CREB3L2: variants seen among roughly 807,000 people sequenced by gnomAD.
CREB3L2 encodes the protein cyclic AMP-responsive element-binding protein 3-like protein 2.
Under a neutral mutation model 57.2 loss-of-function variants are expected in CREB3L2, and 23 were observed. The ratio of observed to expected loss-of-function variants is 0.40; its 90% CI spans 0.29 to 0.57. CREB3L2 has a LOEUF of 0.57. Ranked by LOEUF, CREB3L2 falls within the 20% of genes least tolerant of loss-of-function variation. The probability of loss-of-function intolerance (pLI) is 0.42; values close to 1 mark genes in which losing one functional copy is unlikely to be tolerated. For synonymous variants in CREB3L2, 268 were observed against 265.1 expected, an observed-to-expected ratio of 1.01 and a Z score of -0.11; for missense variants, 628 against 634.7, an observed-to-expected ratio of 0.99 and a Z score of 0.11.
chr7:137,987,909 T>C (rs1301488972), intron 1 of CREB3L2, among the ~76,000 whole-genome samples: 1 of 152,224 alleles, frequency 6.6e-6, no homozygotes, highest in Non-Finnish European at 1.5e-5. Flanking sequence ...ATTTTCTTAC[T>C]GACATAATGT....
At position 137,955,422 on chromosome 7, in the gene CREB3L2, T is replaced by C. The variant is rs1000401431; in HGVS notation, c.103-27056A>G. The C allele has an allele frequency of 7.5e-6, 5 of 663,522 alleles. No individual in the cohort carries two copies. In the African/African-American group the frequency reaches 9.3e-5, roughly 12 times the overall value. The allele number at this position is 663,522 out of a possible 1,614,324, so 41.1% of individuals were successfully genotyped here. On this transcript the variant is annotated intron_variant, in intron 1 of 11. Transcript: ENST00000330387. ...GGCCACCTCACTCCTCTCCCCTTAATCCCCACACGCCAAACTTACACGTCC... is the reference window on the plus strand; with the variant it reads ...GGCCACCTCACTCCTCTCCCCTTAACCCCCACACGCCAAACTTACACGTCC...
intron 1 of CREB3L2, chr7:137,956,789 T>C (rs754747141): frequency 1.4e-5 from 6 of 442,922 alleles, no homozygotes; most frequent in Non-Finnish European, 2.1e-5. Flanking sequence ...CTAAAAGAGT[T>C]AGACCATTCA....
chr7:138,001,641 G>A lies in CREB3L2; in HGVS notation c.65C>T (p.Ser22Leu). ...LQWDRKLSEL[S>L]EPGDGEALMY... ...GAGGGCCTCGCCGTCCCCGGGCTCTGACAGCTCGCTCAGCTTGCGGTCCCA... is the reference window on the plus strand; with the variant it reads ...GAGGGCCTCGCCGTCCCCGGGCTCTAACAGCTCGCTCAGCTTGCGGTCCCA... The change falls in exon 1 of 12, where the codon TCA (serine) becomes TTA (leucine). Residue 22 changes from serine (S) to leucine (L), a missense_variant. Physicochemically the swap from Ser to Leu is moderately radical, Grantham distance 145. Coordinates refer to ENST00000330387, the MANE Select transcript of CREB3L2 (RefSeq NM_194071.4). This position sits in a 1 kb window ranked among gnomAD's most constrained non-coding sequence, Gnocchi z 4.2. The A allele has an allele frequency of 6.2e-7, 1 of 1,613,410 alleles. No homozygotes were observed. The highest frequency in any genetic ancestry group is 8.5e-7 in the Non-Finnish European group (1 of 1,179,766).
In CREB3L2 at chr7:137,928,247, C is replaced by T. The variant is rs143562600; in HGVS notation, c.222G>A (p.Ala74=). The change falls in exon 2 of 12, where the codon GCG becomes GCA. Residue 74 remains alanine, a synonymous_variant. Transcript: ENST00000330387. The part of the protein sequence containing the change: ...MEVEPSPTSP[A]PLIQAEHSYS... Reference sequence around the variant, plus strand: ...AGCTGTGCTCAGCCTGGATGAGAGGCGCCGGGGACGTCGGGGAAGGTTCCA... The same window carrying T: ...AGCTGTGCTCAGCCTGGATGAGAGGTGCCGGGGACGTCGGGGAAGGTTCCA... The T allele has an allele frequency of 6.6e-4, 1,062 of 1,613,040 alleles. 2 individuals carry two copies. The highest frequency in any genetic ancestry group is 7.9e-4 in the Non-Finnish European group (933 of 1,179,536).
chr7:137,995,319 T>C lies in CREB3L2; in HGVS notation c.102+6285A>G, dbSNP rs190906990. ...GCCAACAAGGAGCTCTATTTCTTTT[T>C]TTTTCTTTTCTTTCTTTTTTTTTTT... On this transcript the variant is annotated intron_variant, in intron 1 of 11. Coordinates refer to ENST00000330387, the MANE Select transcript of CREB3L2 (RefSeq NM_194071.4). Among the ~76,000 whole-genome samples, 252 of 121,786 alleles carry C rather than the reference T, an allele frequency of 2.1e-3. 1 individual carries two copies. The highest frequency in any genetic ancestry group is 7.3e-3 in the African/African-American group (233 of 31,808). 79.9% of individuals were successfully genotyped at this position (121,786 alleles called of 152,430 possible).
chr7:137,967,693 CCTGCTCCCG>C (rs1563268290), intron 1 of CREB3L2, among the ~76,000 whole-genome samples: 7 of 152,200 alleles, frequency 4.6e-5, no homozygotes, highest in African/African-American at 1.7e-4. Flanking sequence ...TCCTGTGGCC[CCTGCTCCCG>C]ATCGCTGGAA....
intron 1 of CREB3L2, among the ~76,000 whole-genome samples, chr7:137,971,876 TGATA>T (rs756159213): frequency 7.2e-5 from 11 of 151,940 alleles, no homozygotes; most frequent in Admixed American, 7.2e-4. Flanking sequence ...CATTAAAAAG[TGATA>T]GATAGGCTGC....
intron 1 of CREB3L2, among the ~76,000 whole-genome samples, chr7:137,962,061 G>C (rs922431317): frequency 6.6e-6 from 1 of 152,078 alleles, no homozygotes. Context: ...CGACCCCACC[G>C]AAGTCAGGAC....
rs188070154 is a variant in CREB3L2 at position 137,934,416 on chromosome 7, T to C, written c.103-6050A>G. On this transcript the variant is annotated intron_variant, in intron 1 of 11. Coordinates refer to ENST00000330387, the MANE Select transcript of CREB3L2 (RefSeq NM_194071.4). ...TGTGTGATGGACTAAGTACTTGACATACTCGATTTTCAGAAAATGAAAACA... is the reference window on the plus strand; with the variant it reads ...TGTGTGATGGACTAAGTACTTGACACACTCGATTTTCAGAAAATGAAAACA... 4.6e-5 allele frequency among the ~76,000 whole-genome samples: 7 copies of C among 152,344 alleles called. 1 individual carries two copies. Among genetic ancestry groups the C allele is most frequent in the Admixed American group, 4.6e-4 (7 of 15,306 alleles).
intron 2 of CREB3L2, among the ~76,000 whole-genome samples, chr7:137,927,646 T>C (rs1170034961): frequency 6.6e-6 from 1 of 151,968 alleles, no homozygotes; most frequent in African/African-American, 2.4e-5. Flanking sequence ...GCATTGATGA[T>C]GGGCATGAAA....
At chr7:137,948,538 T>A (rs1801041692) in intron 1 of CREB3L2, among the ~76,000 whole-genome samples, 1 of 152,182 alleles carries the variant, frequency 6.6e-6, no homozygotes, top group African/African-American at 2.4e-5. Context: ...TTAGACTGTT[T>A]ACTTACTTGC....
intron 1 of CREB3L2, among the ~76,000 whole-genome samples, chr7:137,967,327 A>C (rs1801425141): frequency 6.6e-6 from 1 of 152,204 alleles, no homozygotes; most frequent in African/African-American, 2.4e-5. Context: ...CCATCAGCCT[A>C]GCAGTTTGGA....
chr7:137,955,060 G>A (rs765334788), intron 1 of CREB3L2, among the ~76,000 whole-genome samples: 8 of 152,228 alleles, frequency 5.3e-5, no homozygotes, highest in South Asian at 4.2e-4. Context: ...CTCCCACCAC[G>A]TTAACCTACA....
intron 8 of CREB3L2, among the ~76,000 whole-genome samples, chr7:137,900,385 G>A (rs1799726681): frequency 6.6e-6 from 1 of 152,190 alleles, no homozygotes; most frequent in Non-Finnish European, 1.5e-5. Context: ...GCTTAAAATA[G>A]CACTGGGCAC....
chr7:137,984,962 T>C (rs999812927), intron 1 of CREB3L2, among the ~76,000 whole-genome samples: 1 of 152,240 alleles, frequency 6.6e-6, no homozygotes, highest in Non-Finnish European at 1.5e-5. Flanking sequence ...TTTTCTTCCT[T>C]TCTCATTGAA....
chr7:137,885,225 A>C lies in CREB3L2; in HGVS notation c.1144-104T>G. 1.5e-6 allele frequency: 2 copies of C among 1,364,592 alleles called. 1 individual carries two copies. Among genetic ancestry groups the C allele is most frequent in the Non-Finnish European group, 2.0e-6 (2 of 988,342 alleles). The allele number at this position is 1,364,592 out of a possible 1,614,324, so 84.5% of individuals were successfully genotyped here. ...GGACACAGACTCTCCTCTTCAGGCC[A>C]GTGGACTGCACCCACCAGTCACATC... On this transcript the variant is annotated intron_variant, in intron 9 of 11. Coordinates refer to ENST00000330387, the MANE Select transcript of CREB3L2 (RefSeq NM_194071.4).
chr7:137,950,550 T>A (rs1801076005), intron 1 of CREB3L2, among the ~76,000 whole-genome samples: 1 of 152,198 alleles, frequency 6.6e-6, no homozygotes, highest in South Asian at 2.1e-4. Context: ...GTAGTGCTTT[T>A]TTTCAGGATT....
chr7:137,981,906 G>A (rs948001381), intron 1 of CREB3L2, among the ~76,000 whole-genome samples: 3 of 152,194 alleles, frequency 2.0e-5, no homozygotes, highest in Admixed American at 1.3e-4. Context: ...GCAGCTTTTG[G>A]GGGAAGAGCT....
At chr7:137,972,942 A>G (rs901427126) in intron 1 of CREB3L2, among the ~76,000 whole-genome samples, 3 of 151,238 alleles carry the variant, frequency 2.0e-5, no homozygotes, top group East Asian at 1.9e-4. Flanking sequence ...CCCTGGTAAC[A>G]AAGTCCTCTT....
Sources: gnomAD v4.1 joint callset for allele counts (sites outside exome capture counted in the v4.1 genomes callset) on GRCh38, gnomAD v4.1.1 for gene constraint, Gnocchi (gnomAD v3.1) non-coding constraint, MANE v1.5 for transcripts, NCBI Gene and HGNC (gene_info 2026-07-23, HGNC 2026-07-21) for gene names.